The following ADGRL3 variants were observed in gnomAD, a reference collection of about 807,000 sequenced individuals.
The protein encoded by ADGRL3 is adhesion G protein-coupled receptor L3.
A neutral mutation model predicts 153.5 loss-of-function variants in ADGRL3; 62 were observed. That is an observed-to-expected ratio of 0.40 (90% CI 0.33 to 0.50). The LOEUF is 0.50. ADGRL3 is among the 20% of genes least tolerant of loss of function. ADGRL3 has a pLI of 0.47. For synonymous variants in ADGRL3, 710 were observed against 672.5 expected (o/e 1.06, Z -0.86); for missense variants, 1,641 against 1,859.4 (o/e 0.88, Z 2.16).
At chr4:61,696,445 T>C (rs2095643872) in intron 6 of ADGRL3, among the ~76,000 whole-genome samples, 1 of 152,166 alleles carries the variant, frequency 6.6e-6, no homozygotes, top group Non-Finnish European at 1.5e-5. Context: ...ATTTCTTTTC[T>C]TTACCAATAC....
At chr4:61,662,079 G>A (rs867048074) in intron 5 of ADGRL3, among the ~76,000 whole-genome samples, 1 of 152,228 alleles carries the variant, frequency 6.6e-6, no homozygotes, top group South Asian at 2.1e-4. Flanking sequence ...GGGAGGCAAG[G>A]CCAGGGCTGT....
At chr4:61,315,410 T>G (rs1399298140) in intron 1 of ADGRL3, among the ~76,000 whole-genome samples, 1 of 152,182 alleles carries the variant, frequency 6.6e-6, no homozygotes, top group Non-Finnish European at 1.5e-5. Context: ...GAACTTTCAG[T>G]GTCTAACCTA....
At chr4:61,731,843 C>T (rs186145093) in intron 7 of ADGRL3, among the ~76,000 whole-genome samples, 1 of 152,210 alleles carries the variant, frequency 6.6e-6, no homozygotes, top group East Asian at 1.9e-4. Flanking sequence ...ATGAATCAGC[C>T]AGGCTTTCTT....
intron 11 of ADGRL3, among the ~76,000 whole-genome samples, chr4:61,903,939 T>G (rs565617346): frequency 6.6e-6 from 1 of 151,778 alleles, no homozygotes; most frequent in Non-Finnish European, 1.5e-5. Flanking sequence ...ATTTTTTTTT[T>G]CTTTAATTTT....
At chr4:61,758,228 T>A (rs996927513) in intron 8 of ADGRL3, among the ~76,000 whole-genome samples, 1 of 152,148 alleles carries the variant, frequency 6.6e-6, no homozygotes, top group African/African-American at 2.4e-5. Context: ...TGAGTTCAAT[T>A]CCTGGATATC....
intron 2 of ADGRL3, among the ~76,000 whole-genome samples, chr4:61,447,064 C>T (rs1387448878): frequency 2.0e-5 from 3 of 152,062 alleles, no homozygotes; most frequent in Non-Finnish European, 2.9e-5. Context: ...GTTTTCTCAC[C>T]CCAGTTTATG....
rs1056668723 is a variant in ADGRL3, at chr4:61,602,190, G to T, written c.473+14750G>T. Among the ~76,000 whole-genome samples, 3 of 152,040 alleles carry T rather than the reference G, an allele frequency of 2.0e-5. No individual in the cohort carries two copies. The East Asian group carries it at 5.8e-4, about 30-fold the overall frequency. ...GTAATAACCCCATCAAGGTTGATAG[G>T]GTCTCCCCATCAAGGCTAAAGCAGT... is the stretch of plus-strand genomic sequence containing the variant. On this transcript the variant is annotated intron_variant, in intron 5 of 26. Coordinates refer to ENST00000683033, the MANE Select transcript of ADGRL3 (RefSeq NM_001387552.1).
intron 5 of ADGRL3, among the ~76,000 whole-genome samples, chr4:61,626,455 T>C (rs908230434): frequency 1.3e-5 from 2 of 151,996 alleles, no homozygotes; most frequent in Non-Finnish European, 2.9e-5. Context: ...TAATTTAATA[T>C]CCTATTAGTA....
At chr4:61,746,091 A>T (rs1408992603) in intron 8 of ADGRL3, among the ~76,000 whole-genome samples, 1 of 152,198 alleles carries the variant, frequency 6.6e-6, no homozygotes, top group African/African-American at 2.4e-5. Context: ...TAAACCAACA[A>T]AGATCAAAGA....
At chr4:61,629,745 A>T (rs1418620477) in intron 5 of ADGRL3, among the ~76,000 whole-genome samples, 1 of 146,106 alleles carries the variant, frequency 6.8e-6, no homozygotes, top group East Asian at 2.0e-4. Flanking sequence ...AAAAAAAAAA[A>T]AAAAAAAAAA....
intron 8 of ADGRL3, among the ~76,000 whole-genome samples, chr4:61,810,377 C>T (rs1303537070): frequency 6.6e-6 from 1 of 152,072 alleles, no homozygotes; most frequent in Non-Finnish European, 1.5e-5. Context: ...CTCAAGATGT[C>T]AGTTTTCTCA....
Position 61,201,296 on chromosome 4 carries a change from G to T in ADGRL3, c.-709G>T. 6.5e-6 allele frequency: 1 copy of T among 153,756 alleles called. No individual in the cohort carries two copies. The highest frequency in any genetic ancestry group is 1.9e-4 in the South Asian group (1 of 5,138). The allele number at this position is 153,756 out of a possible 1,614,324, so 9.5% of individuals were successfully genotyped here. ...GCGGCAGCAGCAGCAGCAAGAGAAG[G>T]AGAAGCAGCCCCAGCTATGACTGCC... On this transcript the variant is annotated 5_prime_UTR_variant, in exon 1 of 27. Transcript: ENST00000683033.
chr4:61,717,196 A>ATGTGTGTGTGTG (rs780528173), intron 6 of ADGRL3, among the ~76,000 whole-genome samples: 4 of 106,980 alleles, frequency 3.7e-5, no homozygotes, highest in African/African-American at 4.4e-5. Flanking sequence ...CACATAGTTT[A>ATGTGTGTGTGTG]TGTGTGTGTG....
chr4:61,927,968 A>AT (rs1443957594), intron 13 of ADGRL3, among the ~76,000 whole-genome samples: 3 of 151,680 alleles, frequency 2.0e-5, no homozygotes, highest in African/African-American at 7.2e-5. Context: ...CTGAAAACTT[A>AT]TTTTTCTTCC....
chr4:61,842,962 T>C (rs1334575183), intron 9 of ADGRL3, among the ~76,000 whole-genome samples: 1 of 152,184 alleles, frequency 6.6e-6, no homozygotes, highest in Non-Finnish European at 1.5e-5. Context: ...TAGTAGGCTA[T>C]GAGGAAACAC....
chr4:61,819,276 C>A (rs764886824), intron 9 of ADGRL3, among the ~76,000 whole-genome samples: 3 of 152,040 alleles, frequency 2.0e-5, no homozygotes, highest in Non-Finnish European at 4.4e-5. Flanking sequence ...AAATTACGTT[C>A]TTTAAATAAT....
intron 2 of ADGRL3, among the ~76,000 whole-genome samples, chr4:61,467,309 G>A (rs113570937): frequency 1.2e-3 from 190 of 152,140 alleles, no homozygotes; most frequent in African/African-American, 4.3e-3. Context: ...TAATATTACC[G>A]TTCCACTTGA....
chr4:61,295,193 T>G (rs903639528), intron 1 of ADGRL3, among the ~76,000 whole-genome samples: 12 of 152,274 alleles, frequency 7.9e-5, no homozygotes, highest in South Asian at 6.2e-4. Flanking sequence ...CTCCATTATC[T>G]GATGAACTGT....
At chr4:61,924,609 C>A (rs2098786362) in intron 13 of ADGRL3, among the ~76,000 whole-genome samples, 1 of 152,190 alleles carries the variant, frequency 6.6e-6, no homozygotes, top group Non-Finnish European at 1.5e-5. Flanking sequence ...CCACCTCCCA[C>A]CTCTACTGTT....
Sources: allele counts gnomAD v4.1 joint callset (sites outside exome capture counted in the v4.1 genomes callset), GRCh38; gene constraint gnomAD v4.1.1; transcripts MANE v1.5; gene names NCBI Gene and HGNC (gene_info 2026-07-23, HGNC 2026-07-21).